CCL16: variants seen among roughly 807,000 people sequenced by gnomAD.
CCL16 encodes the protein C-C motif chemokine 16.
Under a neutral mutation model 7.5 loss-of-function variants are expected in CCL16, and 6 were observed. The observed-to-expected ratio is 0.80, with a 90% CI of 0.44 to 1.57. The LOEUF is 1.57. CCL16 is among the 40% of genes most tolerant of loss of function. The pLI is 0.01. For synonymous variants in CCL16, 60 were observed against 57.7 expected (o/e 1.04, Z -0.18); for missense variants, 134 against 142.9 (o/e 0.94, Z 0.32).
chr17:35,977,503 C>T lies in CCL16; in HGVS notation c.*63G>A, dbSNP rs2089646915. ...GGCTAGTTTCAGCCTAATAAGGCTTCCCCTGTTTTCATAGGTTTACCCCTC... is the reference window on the plus strand; with the variant it reads ...GGCTAGTTTCAGCCTAATAAGGCTTTCCCTGTTTTCATAGGTTTACCCCTC... On this transcript the variant is annotated 3_prime_UTR_variant, in exon 3 of 3. Coordinates refer to ENST00000611905, the MANE Select transcript of CCL16 (RefSeq NM_004590.4). 8.8e-6 allele frequency: 13 copies of T among 1,469,178 alleles called. No individual in the cohort carries two copies. The allele number at this position is 1,469,178 out of a possible 1,614,324, so 91.0% of individuals were successfully genotyped here.
Position 35,978,587 on chromosome 17 carries a change from G to A in CCL16, c.77-324C>T, listed in dbSNP as rs560694869. Among the ~76,000 whole-genome samples the A allele has an allele frequency of 2.0e-5, 3 of 152,340 alleles. No individual in the cohort carries two copies. The East Asian group carries it at 5.8e-4, about 29-fold the overall frequency. On this transcript the variant is annotated intron_variant, in intron 1 of 2. Coordinates refer to ENST00000611905, the MANE Select transcript of CCL16 (RefSeq NM_004590.4). Reference sequence around the variant, plus strand: ...AACATGTGTTGAGCTAGTATTATATGCTGGGCTCTATGGGGGTAAAAACAT... The same window carrying A: ...AACATGTGTTGAGCTAGTATTATATACTGGGCTCTATGGGGGTAAAAACAT...
chr17:35,979,733 C>T (rs2089667107), intron 1 of CCL16, among the ~76,000 whole-genome samples: 1 of 152,124 alleles, frequency 6.6e-6, no homozygotes, highest in African/African-American at 2.4e-5. Flanking sequence ...GGAAATGGCG[C>T]TTCCCCCCAT....
intron 1 of CCL16, among the ~76,000 whole-genome samples, chr17:35,980,909 C>T (rs893155246): frequency 6.6e-6 from 1 of 152,226 alleles, no homozygotes; most frequent in African/African-American, 2.4e-5. Context: ...TCGGTTCAGA[C>T]TCCCAATTCC....
chr17:35,976,998 ATGTGAAATATATTTTTC>A lies in CCL16; in HGVS notation c.*551_*567del, dbSNP rs2089641991. On this transcript the variant is annotated 3_prime_UTR_variant, in exon 3 of 3. Coordinates refer to ENST00000611905, the MANE Select transcript of CCL16 (RefSeq NM_004590.4). ...GGAATTGAAAGAGAGCAGGAGAAGG[ATGTGAAATATATTTTTC>A]TGTGTATTAAGAGTGCACTGGCCGG... 6.6e-6 allele frequency: 1 copy of A among 152,274 alleles called. No homozygotes were observed. Among genetic ancestry groups the A allele is most frequent in the Non-Finnish European group, 1.5e-5 (1 of 68,128 alleles). 9.4% of individuals were successfully genotyped at this position (152,274 alleles called of 1,614,324 possible).
intron 1 of CCL16, among the ~76,000 whole-genome samples, 192 bp downstream of exon 1, chr17:35,981,153 C>T (rs576712539): frequency 6.6e-6 from 1 of 152,134 alleles, no homozygotes; most frequent in East Asian, 1.9e-4. Context: ...CTACTTACCC[C>T]AGAAAGATCC....
rs1159735863 is a variant in CCL16 at position 35,977,610 on chromosome 17, T to G, written c.319A>C (p.Ile107Leu). Residue 107 changes from isoleucine (I) to leucine (L), a missense_variant, in exon 3 of 3, where the codon ATT (isoleucine) becomes CTT (leucine). Physicochemically the swap from Ile to Leu is conservative, Grantham distance 5. Transcript: ENST00000611905. ...TGGGGTTGACCATTCTTTGCTGTAATAATTTTAACCGTGGACAAGTTCCTG... is the reference window on the plus strand; with the variant it reads ...TGGGGTTGACCATTCTTTGCTGTAAGAATTTTAACCGTGGACAAGTTCCTG... ...PTRNLSTVKIITAKNGQPQLL... is the reference protein window; with the variant it reads ...PTRNLSTVKILTAKNGQPQLL... The G allele has an allele frequency of 1.2e-6, 2 of 1,612,650 alleles. No individual in the cohort carries two copies. Among genetic ancestry groups the G allele is most frequent in the Non-Finnish European group, 1.7e-6 (2 of 1,180,010 alleles).
At chr17:35,981,016 C>G (rs902366954) in intron 1 of CCL16, among the ~76,000 whole-genome samples, 1 of 152,180 alleles carries the variant, frequency 6.6e-6, no homozygotes, top group Non-Finnish European at 1.5e-5. Context: ...GCGTGCCTCC[C>G]CCTCCCTTTC....
chr17:35,977,518 G>GT lies in CCL16; in HGVS notation c.*47dup. ...AATAAGGCTTCCCCTGTTTTCATAG[G>GT]TTTACCCCTCTCTTCTGTAAACAAG... On this transcript the variant is annotated 3_prime_UTR_variant, in exon 3 of 3. Transcript: ENST00000611905. 6.3e-7 allele frequency: 1 copy of GT among 1,575,592 alleles called. No homozygotes were observed. The highest frequency in any genetic ancestry group is 8.7e-7 in the Non-Finnish European group (1 of 1,153,516).
chr17:35,979,588 T>G (rs2089665477), intron 1 of CCL16, among the ~76,000 whole-genome samples: 1 of 152,140 alleles, frequency 6.6e-6, no homozygotes, highest in Non-Finnish European at 1.5e-5. Flanking sequence ...CTTACTTGTA[T>G]CCTAGGATCA....
chr17:35,979,453 G>C (rs1568449603), intron 1 of CCL16, among the ~76,000 whole-genome samples: 1 of 152,128 alleles, frequency 6.6e-6, no homozygotes, highest in Non-Finnish European at 1.5e-5. Context: ...TATGATTTAG[G>C]CTTTGGGGTC....
chr17:35,978,441 C>T (rs2089657156), intron 1 of CCL16, among the ~76,000 whole-genome samples, 178 bp from the exon 2 acceptor site: 1 of 152,228 alleles, frequency 6.6e-6, no homozygotes, highest in East Asian at 1.9e-4. Context: ...GGGGGACATA[C>T]ATTTAGAACC....
intron 1 of CCL16, 134 bp from the exon 2 acceptor site, chr17:35,978,397 G>T: frequency 1.7e-6 from 2 of 1,169,198 alleles, no homozygotes; most frequent in South Asian, 1.4e-5. Context: ...ATGATAGCTT[G>T]ACTGGTAATG....
Position 35,981,438 on chromosome 17 carries a change from A to G in CCL16, c.-18T>C, listed in dbSNP as rs1440977285. 6.3e-7 allele frequency: 1 copy of G among 1,592,094 alleles called. No homozygotes were observed. The highest frequency in any genetic ancestry group is 8.6e-7 in the Non-Finnish European group (1 of 1,164,278). ...ACCTTCATCCTCTCAGCGAGGCAGT[A>G]CAGCTTCAGGGAGAGCCGAATGAAG... On this transcript the variant is annotated 5_prime_UTR_variant, in exon 1 of 3. Transcript: ENST00000611905.
chr17:35,977,163 C>G lies in CCL16; in HGVS notation c.*403G>C, dbSNP rs2141986403. 6.5e-6 allele frequency: 1 copy of G among 152,956 alleles called. No homozygotes were observed. The highest frequency in any genetic ancestry group is 1.5e-5 in the Non-Finnish European group (1 of 68,666). 9.5% of individuals were successfully genotyped at this position (152,956 alleles called of 1,614,324 possible). A position where few individuals can be genotyped will look rare whatever the true frequency, so the allele number is the denominator to read the frequency against. On this transcript the variant is annotated 3_prime_UTR_variant, in exon 3 of 3. Transcript: ENST00000611905. The stretch of plus-strand genomic sequence containing the variant: ...TAGAATCCCGTCTCTACCAAAAATA[C>G]AAAAATTAGCCAGGTGTGGTGGCGC...
Position 35,978,229 on chromosome 17 carries a change from G to A in CCL16, c.111C>T (p.Cys37=). The change falls in exon 2 of 3, where the codon TGC becomes TGT. Residue 37 remains cysteine, a synonymous_variant. Coordinates refer to ENST00000611905, the MANE Select transcript of CCL16 (RefSeq NM_004590.4). ...ACACTTTCTCATAATACTTCAGGCA[G>A]CAGGTGGATGGGGTGTTCACCCACT... The part of the protein sequence containing the change: ...VPEWVNTPST[C]CLKYYEKVLP... The A allele has an allele frequency of 1.9e-6, 3 of 1,614,234 alleles. No homozygotes were observed. Among genetic ancestry groups the A allele is most frequent in the Non-Finnish European group, 2.5e-6 (3 of 1,180,040 alleles).
chr17:35,979,623 A>T (rs1429176895), intron 1 of CCL16, among the ~76,000 whole-genome samples: 2 of 152,268 alleles, frequency 1.3e-5, no homozygotes, highest in African/African-American at 2.4e-5. Context: ...TGAGAAAATG[A>T]TTGGAAAGCC....
At position 35,977,605 on chromosome 17, in the gene CCL16, T is replaced by C. The variant is rs1168576555; in HGVS notation, c.324A>G (p.Thr108=). The C allele has an allele frequency of 1.9e-6, 3 of 1,612,552 alleles. No homozygotes were observed. Among genetic ancestry groups the C allele is most frequent in the African/African-American group, 1.3e-5 (1 of 74,862 alleles). Residue 108 remains threonine, a synonymous_variant, in exon 3 of 3, where the codon ACA becomes ACG. Transcript: ENST00000611905. ...GGAGCTGGGGTTGACCATTCTTTGC[T>C]GTAATAATTTTAACCGTGGACAAGT... ...TRNLSTVKII[T]AKNGQPQLLN... is the part of the protein sequence containing the mutation.
rs769406651 is a variant in CCL16 at position 35,977,677 on chromosome 17, G to T, written c.252C>A (p.Val84=). The T allele has an allele frequency of 1.2e-6, 2 of 1,612,278 alleles. No homozygotes were observed. The highest frequency in any genetic ancestry group is 1.7e-6 in the Non-Finnish European group (2 of 1,180,014). Residue 84 remains valine, a synonymous_variant, in exon 3 of 3, where the codon GTC becomes GTA. Coordinates refer to ENST00000611905, the MANE Select transcript of CCL16 (RefSeq NM_004590.4). ...GGTTGGGATCCTTGATGTACTCTTG[G>T]ACCCAGTCGTCATTGGGGTTGGTGC... ...EVCTNPNDDW[V]QEYIKDPNLP...
At chr17:35,980,562 C>A in intron 1 of CCL16, 1 of 176,782 alleles carries the variant, frequency 5.7e-6, no homozygotes, top group South Asian at 1.3e-4. Flanking sequence ...AGCAAACAAA[C>A]AAAAAAACAA....
Sources: allele counts gnomAD v4.1 joint callset (sites outside exome capture counted in the v4.1 genomes callset), GRCh38; gene constraint gnomAD v4.1.1; transcripts MANE v1.5; gene names NCBI Gene and HGNC (gene_info 2026-07-23, HGNC 2026-07-21).